The following EXOSC2 variants were observed in gnomAD, a reference collection of about 807,000 sequenced individuals.
The protein encoded by EXOSC2 is exosome component 2.
A neutral mutation model predicts 37.6 loss-of-function variants in EXOSC2; 29 were observed. That is an observed-to-expected ratio of 0.77 (90% CI 0.57 to 1.05). The LOEUF (loss-of-function observed/expected upper bound fraction) is 1.05, where lower values mean the gene tolerates loss of function less well. Among genes scored for constraint, EXOSC2 ranks in the 50% least tolerant of loss-of-function variants. The pLI is 0.00. For missense variants in EXOSC2, 346 were observed against 365.6 expected (o/e 0.95, Z 0.44); for synonymous variants, 119 against 131.1 (o/e 0.91, Z 0.63).
chr9:130,698,063 G>A lies in EXOSC2; in HGVS notation c.271-99G>A. ...CCAGCTTCGGCCTCCCAAAGTGCTG[G>A]GATTACAGGCGTGAGCCACCACATC... On this transcript the variant is annotated intron_variant, in intron 3 of 8. Transcript: ENST00000372358. The surrounding 1 kb of genome is among the most constrained non-coding windows in gnomAD (Gnocchi z 4.1). The A allele has an allele frequency of 8.8e-7, 1 of 1,136,808 alleles. No individual in the cohort carries two copies. Among genetic ancestry groups the A allele is most frequent in the Non-Finnish European group, 1.3e-6 (1 of 758,866 alleles). 70.4% of individuals were successfully genotyped at this position (1,136,808 alleles called of 1,614,324 possible). A position where few individuals can be genotyped will look rare whatever the true frequency, so the allele number is the denominator to read the frequency against.
intron 6 of EXOSC2, chr9:130,701,568 T>C (rs747436929): frequency 3.0e-6 from 3 of 985,874 alleles, no homozygotes; most frequent in African/African-American, 3.5e-5. Context: ...GACAGCCACG[T>C]TGATGTACAT....
chr9:130,697,791 G>A (rs966358925), intron 3 of EXOSC2, 164 bp downstream of exon 3: 4 of 672,294 alleles, frequency 5.9e-6, no homozygotes, highest in Non-Finnish European at 1.0e-5. Flanking sequence ...TCAGATTACT[G>A]GTTCATGTTT....
intron 1 of EXOSC2, among the ~76,000 whole-genome samples, chr9:130,695,201 G>T (rs745895735): frequency 4.6e-5 from 7 of 152,206 alleles, no homozygotes; most frequent in Admixed American, 6.5e-5. Context: ...AAGTGGAGCA[G>T]GGTCAATGGT....
rs1831267557 is a variant in EXOSC2 at position 130,703,696 on chromosome 9, C to G, written c.804C>G (p.Ile268Met). 4 of 1,611,872 alleles carry G rather than the reference C, an allele frequency of 2.5e-6. No homozygotes were observed. Among genetic ancestry groups the G allele is most frequent in the Non-Finnish European group, 3.4e-6 (4 of 1,179,054 alleles). Residue 268 changes from isoleucine to methionine, a missense_variant and splice_region_variant, in exon 9 of 9, where the codon ATC becomes ATG. Physicochemically the swap from Ile to Met is conservative, Grantham distance 10. Transcript: ENST00000372358. ...YCYEASLPHQ[I>M]KDILKPEIME... ...CAAATGCCTTTTCCCTTTTTCAGATCAAAGACATCTTAAAGCCAGAAATAA... is the reference window on the plus strand; with the variant it reads ...CAAATGCCTTTTCCCTTTTTCAGATGAAAGACATCTTAAAGCCAGAAATAA...
At chr9:130,695,412 G>A (rs1588195785) in intron 1 of EXOSC2, 80 bp from the exon 2 acceptor site, 1 of 1,240,216 alleles carries the variant, frequency 8.1e-7, no homozygotes, top group East Asian at 2.3e-5. Flanking sequence ...TTAGCTTTGA[G>A]GAACACGTTG....
chr9:130,703,185 C>T lies in EXOSC2; in HGVS notation c.801+4C>T. 6.2e-7 allele frequency: 1 copy of T among 1,608,154 alleles called. No homozygotes were observed. Reference sequence around the variant, plus strand: ...TGAAGCATCCCTTCCACATCAGGTACTCTCCCCAGGGCCTCTCCCTTCTTC... The same window carrying T: ...TGAAGCATCCCTTCCACATCAGGTATTCTCCCCAGGGCCTCTCCCTTCTTC... On this transcript the variant is annotated splice_donor_region_variant and intron_variant, in intron 8 of 8. Coordinates refer to ENST00000372358, the MANE Select transcript of EXOSC2 (RefSeq NM_014285.7).
At position 130,704,650 on chromosome 9, in the gene EXOSC2, A is replaced by G. The variant is rs1345006186; in HGVS notation, c.*876A>G. On this transcript the variant is annotated 3_prime_UTR_variant, in exon 9 of 9. Coordinates refer to ENST00000372358, the MANE Select transcript of EXOSC2 (RefSeq NM_014285.7). The stretch of plus-strand genomic sequence containing the variant: ...GGCTGCCTTAATCTGTCCTGCTTGG[A>G]GAGTGACTTGTAAGATGCTGAATTA... 2 of 152,028 alleles carry G rather than the reference A, an allele frequency of 1.3e-5. No individual in the cohort carries two copies. Among genetic ancestry groups the G allele is most frequent in the Non-Finnish European group, 1.5e-5 (1 of 68,026 alleles). 9.4% of individuals were successfully genotyped at this position (152,028 alleles called of 1,614,324 possible).
At chr9:130,702,530 T>C (rs1831239646) in intron 7 of EXOSC2, among the ~76,000 whole-genome samples, 1 of 152,168 alleles carries the variant, frequency 6.6e-6, no homozygotes, top group Non-Finnish European at 1.5e-5. Context: ...GGTGGCAAAG[T>C]TGCAGGGTAA....
At chr9:130,699,431 T>C in intron 5 of EXOSC2, 37 bp downstream of exon 5, 14 of 1,596,852 alleles carry the variant, frequency 8.8e-6, no homozygotes, top group Non-Finnish European at 1.2e-5. Flanking sequence ...CTTGATGCTT[T>C]TCTGTGGGAC....
chr9:130,702,322 C>CT lies in EXOSC2; in HGVS notation c.672+13dup. 1 of 1,608,384 alleles carries CT rather than the reference C, an allele frequency of 6.2e-7. No homozygotes were observed. Among genetic ancestry groups the CT allele is most frequent in the Non-Finnish European group, 8.5e-7 (1 of 1,176,112 alleles). On this transcript the variant is annotated intron_variant, in intron 7 of 8. Transcript: ENST00000372358. ...TTGCAAACCTGGAGGTGAGCAAACA[C>CT]TGTGGCCATTTTCAGTGGGATGGAG...
At chr9:130,695,459 G>C (rs369221914) in intron 1 of EXOSC2, 33 bp from the exon 2 acceptor site, 27 of 1,574,154 alleles carry the variant, frequency 1.7e-5, no homozygotes, top group Non-Finnish European at 2.2e-5. Flanking sequence ...AGTTACCCTC[G>C]TATCCTTTCT....
intron 1 of EXOSC2, 64 bp from the exon 2 acceptor site, chr9:130,695,428 G>C: frequency 7.2e-7 from 1 of 1,396,498 alleles, no homozygotes; most frequent in Middle Eastern, 1.8e-4. Flanking sequence ...CGTTGTTCTT[G>C]AAGGGAGAGA....
chr9:130,701,700 C>T (rs939692448), intron 6 of EXOSC2: 2 of 846,546 alleles, frequency 2.4e-6, no homozygotes, highest in Non-Finnish European at 2.9e-6. Context: ...TTGCACCCAG[C>T]TCCACCCATC....
In EXOSC2 at chr9:130,698,126, T is replaced by C. The variant is rs1831135626; in HGVS notation, c.271-36T>C. On this transcript the variant is annotated intron_variant, in intron 3 of 8. Coordinates refer to ENST00000372358, the MANE Select transcript of EXOSC2 (RefSeq NM_014285.7). The surrounding 1 kb of genome is among the most constrained non-coding windows in gnomAD (Gnocchi z 4.1). ...TTATTTATGATATGACACATGAACA[T>C]GGAGCATGTGTCCAGGTGTGGAACT... 3 of 1,566,610 alleles carry C rather than the reference T, an allele frequency of 1.9e-6. No homozygotes were observed. The highest frequency in any genetic ancestry group is 2.6e-6 in the Non-Finnish European group (3 of 1,136,912).
At chr9:130,695,632 C>T in intron 2 of EXOSC2, 39 bp downstream of exon 2, 1 of 1,582,530 alleles carries the variant, frequency 6.3e-7, no homozygotes, top group South Asian at 1.1e-5. Flanking sequence ...CTTGCAGCAT[C>T]AGGTTGTACA....
chr9:130,700,832 A>G, intron 5 of EXOSC2, 35 bp from the exon 6 acceptor site: 1 of 1,610,174 alleles, frequency 6.2e-7, no homozygotes, highest in African/African-American at 1.3e-5. Context: ...GTGTGTGGCC[A>G]AGGCTGCTGT....
Position 130,702,234 on chromosome 9 carries a change from A to G in EXOSC2, c.596A>G (p.Asn199Ser), listed in dbSNP as rs779954577. ...TGTGGTGCCTCAGTGATTCTCGGTAACAACGGCTTCATCTGGATTTACCCA... is the reference window on the plus strand; with the variant it reads ...TGTGGTGCCTCAGTGATTCTCGGTAGCAACGGCTTCATCTGGATTTACCCA... ...LPCGASVILG[N>S]NGFIWIYPTP... The change falls in exon 7 of 9, where the codon AAC (asparagine) becomes AGC (serine). Residue 199 changes from asparagine (N) to serine (S), a missense_variant. Asn to Ser is a conservative substitution (Grantham distance 46). Transcript: ENST00000372358. 3.1e-6 allele frequency: 5 copies of G among 1,614,066 alleles called. No individual in the cohort carries two copies. In the Admixed American group the frequency reaches 5.0e-5, roughly 16 times the overall value.
rs1831047502 is a variant in EXOSC2, at chr9:130,694,446, C to A, written c.122+533C>A. Among the ~76,000 whole-genome samples the A allele has an allele frequency of 6.6e-6, 1 of 152,156 alleles. No individual in the cohort carries two copies. The highest frequency in any genetic ancestry group is 2.4e-5 in the African/African-American group (1 of 41,430). On this transcript the variant is annotated intron_variant, in intron 1 of 8. Transcript: ENST00000372358. The surrounding 1 kb of genome is among the most constrained non-coding windows in gnomAD (Gnocchi z 4.0). The stretch of plus-strand genomic sequence containing the variant: ...TGAGTCAGACAGTTGGGGTTCCGGT[C>A]CTGCTACCATCACATCTTATTAGCG...
chr9:130,698,245 A>C lies in EXOSC2; in HGVS notation c.354A>C (p.Gly118=), dbSNP rs1330151806. ...LLLSSMNLPG[G]ELRRRSAEDE... ...TCTCGTCCATGAACCTTCCTGGAGG[A>C]GAGCTGGTAAGGGCTACAGCTGGGG... The change falls in exon 4 of 9, where the codon GGA becomes GGC. Residue 118 remains glycine (G), a synonymous_variant. Transcript: ENST00000372358. The surrounding 1 kb of genome is among the most constrained non-coding windows in gnomAD (Gnocchi z 4.1). 6.2e-7 allele frequency: 1 copy of C among 1,613,740 alleles called. No individual in the cohort carries two copies. The highest frequency in any genetic ancestry group is 8.5e-7 in the Non-Finnish European group (1 of 1,180,000).
Sources: allele counts gnomAD v4.1 joint callset (sites outside exome capture counted in the v4.1 genomes callset), GRCh38; gene constraint gnomAD v4.1.1; non-coding constraint Gnocchi (gnomAD v3.1); transcripts MANE v1.5; gene names NCBI Gene and HGNC (gene_info 2026-07-23, HGNC 2026-07-21).